The following ZNF385D variants were observed in gnomAD, a reference collection of about 807,000 sequenced individuals.
ZNF385D encodes zinc finger protein 659.
In ZNF385D, 15 loss-of-function variants were observed where a neutral mutation model predicts 35.8. The ratio of observed to expected loss-of-function variants is 0.42; its 90% CI spans 0.28 to 0.64. ZNF385D has a LOEUF of 0.64. Among genes scored for constraint, ZNF385D ranks in the 30% least tolerant of loss-of-function variants. The pLI, the probability that ZNF385D is intolerant of heterozygous loss-of-function variation, is 0.23. For missense variants in ZNF385D, 474 were observed against 494.6 expected (o/e 0.96, Z 0.39); for synonymous variants, 212 against 186.8 (o/e 1.13, Z -1.10).
At chr3:22,208,260 A>C (rs752909063) in intron 2 of ZNF385D, among the ~76,000 whole-genome samples, 17 of 151,940 alleles carry the variant, frequency 1.1e-4, no homozygotes, top group Non-Finnish European at 2.4e-4. Context: ...TTTGGTCATA[A>C]AATATATGAG....
chr3:22,341,749 T>C (rs192060173), intron 2 of ZNF385D, among the ~76,000 whole-genome samples: 4 of 152,296 alleles, frequency 2.6e-5, no homozygotes, highest in Admixed American at 2.6e-4. Context: ...TGGAATCAAA[T>C]GGAATGAAAT....
At chr3:21,852,088 G>A (rs572482680) in intron 3 of ZNF385D, among the ~76,000 whole-genome samples, 13 of 151,898 alleles carry the variant, frequency 8.6e-5, no homozygotes, top group Non-Finnish European at 1.9e-4. Flanking sequence ...TTCTCAAAAT[G>A]TATTTTCTGA....
chr3:21,830,017 G>A (rs890467105), intron 3 of ZNF385D, among the ~76,000 whole-genome samples: 3 of 151,944 alleles, frequency 2.0e-5, no homozygotes, highest in African/African-American at 7.2e-5. Flanking sequence ...CCAGCTGCTC[G>A]GGAGGCTGAG....
At chr3:21,937,346 C>T (rs940555658) in intron 3 of ZNF385D, among the ~76,000 whole-genome samples, 7 of 152,088 alleles carry the variant, frequency 4.6e-5, no homozygotes, top group Admixed American at 1.3e-4. Flanking sequence ...CTTTGACCTT[C>T]GGAGAACAAT....
chr3:22,120,230 C>T (rs1703019999), intron 3 of ZNF385D, among the ~76,000 whole-genome samples: 1 of 151,940 alleles, frequency 6.6e-6, no homozygotes, highest in African/African-American at 2.4e-5. Flanking sequence ...AAATAACAGA[C>T]ATTTATCCCT....
At chr3:21,550,203 G>C (rs1454985019) in intron 3 of ZNF385D, among the ~76,000 whole-genome samples, 1 of 152,048 alleles carries the variant, frequency 6.6e-6, no homozygotes, top group Non-Finnish European at 1.5e-5. Context: ...AACCATTATT[G>C]GTTTTTGTTT....
At chr3:22,372,296 G>T (rs531742575) in intron 2 of ZNF385D, among the ~76,000 whole-genome samples, 1 of 152,266 alleles carries the variant, frequency 6.6e-6, no homozygotes, top group African/African-American at 2.4e-5. Context: ...GTGGTCCAAG[G>T]TCTGGGCGGT....
intron 3 of ZNF385D, among the ~76,000 whole-genome samples, chr3:21,789,894 A>G (rs1235758492): frequency 2.0e-5 from 3 of 152,214 alleles, no homozygotes; most frequent in Non-Finnish European, 2.9e-5. Flanking sequence ...CACTGTTGTC[A>G]GATTATGACA....
At chr3:21,937,609 C>T (rs1258028804) in intron 3 of ZNF385D, among the ~76,000 whole-genome samples, 1 of 151,642 alleles carries the variant, frequency 6.6e-6, no homozygotes, top group African/African-American at 2.4e-5. Context: ...TATATTTATG[C>T]ATAGAAATAA....
At chr3:22,120,094 T>G (rs1425188399) in intron 3 of ZNF385D, among the ~76,000 whole-genome samples, 1 of 151,700 alleles carries the variant, frequency 6.6e-6, no homozygotes, top group Non-Finnish European at 1.5e-5. Context: ...CCTCCCAAAG[T>G]ACTAGGATTA....
At chr3:22,137,398 T>A (rs1704210552) in intron 3 of ZNF385D, among the ~76,000 whole-genome samples, 1 of 152,164 alleles carries the variant, frequency 6.6e-6, no homozygotes, top group East Asian at 1.9e-4. Context: ...ATATCCTTGA[T>A]GAACATTGAT....
intron 2 of ZNF385D, among the ~76,000 whole-genome samples, chr3:22,344,010 T>C (rs1349770314): frequency 6.6e-6 from 1 of 152,170 alleles, no homozygotes; most frequent in East Asian, 1.9e-4. Context: ...AAGATCCAAC[T>C]CAACTCTCTT....
intron 3 of ZNF385D, among the ~76,000 whole-genome samples, chr3:21,911,542 G>A (rs1157986001): frequency 6.6e-6 from 1 of 151,872 alleles, no homozygotes; most frequent in African/African-American, 2.4e-5. Flanking sequence ...ACCTCATAAT[G>A]TTGTTTTGAG....
intron 3 of ZNF385D, among the ~76,000 whole-genome samples, chr3:21,763,084 C>T (rs2070689445): frequency 6.6e-6 from 1 of 151,956 alleles, no homozygotes. Context: ...GACAAATTTC[C>T]CAAAGACAAG....
intron 3 of ZNF385D, among the ~76,000 whole-genome samples, chr3:21,845,300 T>G (rs1695937167): frequency 6.6e-6 from 1 of 151,858 alleles, no homozygotes; most frequent in Admixed American, 6.6e-5. Context: ...AAATGTGACT[T>G]TTGGTCTAAT....
At chr3:22,131,865 A>C (rs1703814726) in intron 3 of ZNF385D, among the ~76,000 whole-genome samples, 1 of 152,196 alleles carries the variant, frequency 6.6e-6, no homozygotes, top group Admixed American at 6.6e-5. Flanking sequence ...GGTATAAGTC[A>C]GGGAAACATA....
chr3:21,825,809 T>C (rs1486739331), intron 3 of ZNF385D, among the ~76,000 whole-genome samples: 1 of 152,148 alleles, frequency 6.6e-6, no homozygotes, highest in Non-Finnish European at 1.5e-5. Flanking sequence ...CCAGAACCAG[T>C]CCCTCGCTTG....
chr3:21,699,716 ATTAT>A (rs1231813688), intron 1 of ZNF385D, among the ~76,000 whole-genome samples: 4 of 151,720 alleles, frequency 2.6e-5, no homozygotes, highest in Non-Finnish European at 1.5e-5. Context: ...AGTAAAATAC[ATTAT>A]TTAAATTAAT....
intron 3 of ZNF385D, among the ~76,000 whole-genome samples, chr3:22,152,757 T>C (rs1705321468): frequency 6.6e-6 from 1 of 152,206 alleles, no homozygotes; most frequent in African/African-American, 2.4e-5. Context: ...GTGGAGTTCC[T>C]TTGGCCAAGT....
Sources: gnomAD v4.1 joint callset for allele counts (sites outside exome capture counted in the v4.1 genomes callset) on GRCh38, gnomAD v4.1.1 for gene constraint, MANE v1.5 for transcripts, NCBI Gene and HGNC (gene_info 2026-07-23, HGNC 2026-07-21) for gene names.